DYRK1A: variants seen among roughly 807,000 people sequenced by gnomAD.
The protein encoded by DYRK1A is dual specificity tyrosine phosphorylation regulated kinase 1A.
A neutral mutation model predicts 79.7 loss-of-function variants in DYRK1A; 9 were observed. The observed-to-expected ratio is 0.11, with a 90% CI of 0.07 to 0.20. The LOEUF (loss-of-function observed/expected upper bound fraction) is 0.20. Ranked by LOEUF, DYRK1A falls within the 10% of genes least tolerant of loss-of-function variation. The probability of loss-of-function intolerance (pLI) is 1.00; values close to 1 mark genes in which losing one functional copy is unlikely to be tolerated. For missense variants in DYRK1A, 622 were observed against 956.0 expected, an observed-to-expected ratio of 0.65 and a Z score of 4.61; for synonymous variants, 349 against 329.7, an observed-to-expected ratio of 1.06 and a Z score of -0.63.
At chr21:37,446,992 C>T (rs2051295030) in intron 2 of DYRK1A, among the ~76,000 whole-genome samples, 1 of 152,114 alleles carries the variant, frequency 6.6e-6, no homozygotes, top group Non-Finnish European at 1.5e-5. Context: ...ATTGCTACCA[C>T]TTGTCCCCTG....
chr21:37,482,853 T>C (rs1344566316), intron 5 of DYRK1A, among the ~76,000 whole-genome samples: 2 of 152,248 alleles, frequency 1.3e-5, no homozygotes, highest in South Asian at 2.1e-4. Context: ...AATTCAGCGA[T>C]ATTTCTCCCA....
At chr21:37,449,968 G>T (rs893297859) in intron 2 of DYRK1A, among the ~76,000 whole-genome samples, 1 of 152,160 alleles carries the variant, frequency 6.6e-6, no homozygotes, top group African/African-American at 2.4e-5. Flanking sequence ...ATAAGTAGGG[G>T]CCAAAGCAGG....
At chr21:37,508,282 T>G (rs2053653132) in intron 11 of DYRK1A, among the ~76,000 whole-genome samples, 1 of 152,184 alleles carries the variant, frequency 6.6e-6, no homozygotes, top group South Asian at 2.1e-4. Flanking sequence ...CTTGCTATTT[T>G]CCCTACTTTT....
rs563465605 is a variant in DYRK1A, at chr21:37,494,917, T to C, written c.1072-1201T>C. The stretch of plus-strand genomic sequence containing the variant: ...GAGCCGAGATCACGCCACTGCCCTC[T>C]AGCTTGGGAGACAGAACAAGACTCC... On this transcript the variant is annotated intron_variant, in intron 8 of 11. Coordinates refer to ENST00000647188, the MANE Select transcript of DYRK1A (RefSeq NM_001347721.2). Among the ~76,000 whole-genome samples, 3 of 148,040 alleles carry C rather than the reference T, an allele frequency of 2.0e-5. No individual in the cohort carries two copies. In the East Asian group the frequency reaches 6.1e-4, roughly 30 times the overall value.
chr21:37,486,387 GTTATAA>G, intron 5 of DYRK1A, 74 bp from the exon 6 acceptor site: 2 of 1,120,768 alleles, frequency 1.8e-6, no homozygotes, highest in Non-Finnish European at 2.4e-6. Flanking sequence ...TTAGGTAAAT[GTTATAA>G]TTAAGGTGAA....
At chr21:37,486,177 ATAGT>A (rs1346930271) in intron 5 of DYRK1A, 3 of 183,356 alleles carry the variant, frequency 1.6e-5, no homozygotes, top group Non-Finnish European at 3.4e-5. Flanking sequence ...AAGGAGGAAA[ATAGT>A]TAATTTAATT....
intron 1 of DYRK1A, among the ~76,000 whole-genome samples, chr21:37,386,197 T>A (rs1301842296): frequency 6.6e-6 from 1 of 152,162 alleles, no homozygotes; most frequent in Non-Finnish European, 1.5e-5. Flanking sequence ...TATGGTGAGT[T>A]GTATAATTAT....
At chr21:37,495,152 T>TTGTGTGTGTGTGTGTGTG (rs56226706) in intron 8 of DYRK1A, among the ~76,000 whole-genome samples, 1 of 137,648 alleles carries the variant, frequency 7.3e-6, no homozygotes, top group Non-Finnish European at 1.6e-5. Flanking sequence ...CTCTGGGATT[T>TTGTGTGTGTGTGTGTGTG]TGTGTGTGTG....
intron 1 of DYRK1A, among the ~76,000 whole-genome samples, chr21:37,373,198 A>G (rs1299880944): frequency 2.6e-5 from 4 of 152,170 alleles, no homozygotes; most frequent in Non-Finnish European, 5.9e-5. Context: ...CCAGATATAG[A>G]TAGCACCGGC....
chr21:37,503,581 A>G (rs911128251), intron 9 of DYRK1A: 1 of 152,140 alleles, frequency 6.6e-6, no homozygotes, highest in Non-Finnish European at 1.5e-5. Flanking sequence ...TGCAACCACC[A>G]TACCCAGCTA....
At chr21:37,372,761 TCTC>T (rs940909828) in intron 1 of DYRK1A, among the ~76,000 whole-genome samples, 106 of 152,278 alleles carry the variant, frequency 7.0e-4, no homozygotes, top group African/African-American at 2.4e-3. Flanking sequence ...TCCTTTTTTC[TCTC>T]CTCATCTTCA....
chr21:37,434,899 A>G (rs2050879536), intron 2 of DYRK1A, among the ~76,000 whole-genome samples: 2 of 152,212 alleles, frequency 1.3e-5, no homozygotes, highest in Admixed American at 1.3e-4. Context: ...TTTAATGTAT[A>G]GAAAGACATT....
intron 2 of DYRK1A, among the ~76,000 whole-genome samples, chr21:37,422,068 G>C (rs568707801): frequency 2.6e-5 from 4 of 152,222 alleles, no homozygotes; most frequent in Admixed American, 2.6e-4. Flanking sequence ...AGTAAATACA[G>C]TTTATAGTTA....
intron 2 of DYRK1A, among the ~76,000 whole-genome samples, chr21:37,462,985 A>T (rs1443537854): frequency 6.6e-6 from 1 of 152,342 alleles, no homozygotes; most frequent in East Asian, 1.9e-4. Context: ...CTGATAATAC[A>T]AATTCCTAAG....
chr21:37,510,156 A>G (rs1421290651), intron 11 of DYRK1A, among the ~76,000 whole-genome samples: 1 of 152,210 alleles, frequency 6.6e-6, no homozygotes, highest in African/African-American at 2.4e-5. Context: ...TAGACATTTT[A>G]TCTGTGATAT....
chr21:37,398,579 T>C lies in DYRK1A; in HGVS notation c.-76-21720T>C, dbSNP rs575409661. Among the ~76,000 whole-genome samples the C allele has an allele frequency of 2.0e-5, 3 of 152,308 alleles. No individual in the cohort carries two copies. In the South Asian group the frequency reaches 6.2e-4, roughly 32 times the overall value. ...CAGAACAAACTGAATAATTTATAGA[T>C]ACTTTTGTTTTTACATAGTTTATAA... On this transcript the variant is annotated intron_variant, in intron 1 of 11. Transcript: ENST00000647188.
intron 4 of DYRK1A, among the ~76,000 whole-genome samples, chr21:37,479,600 G>GTTCTTGTTTTTTTTTTTTTTTTTTTTT: frequency 4.4e-5 from 1 of 22,794 alleles, no homozygotes; most frequent in Non-Finnish European, 7.2e-5. Flanking sequence ...TTTTGTTTTT[G>GTTCTTGTTTTTTTTTTTTTTTTTTTTT]TTTTTGTTTT....
intron 1 of DYRK1A, among the ~76,000 whole-genome samples, chr21:37,369,164 T>G (rs1479079354): frequency 6.6e-6 from 1 of 152,202 alleles, no homozygotes; most frequent in East Asian, 1.9e-4. Context: ...TTTTATAGTT[T>G]ATGTGTCCAA....
Position 37,460,961 on chromosome 21 carries a change from T to C in DYRK1A, c.11-11723T>C, listed in dbSNP as rs143943180. Among the ~76,000 whole-genome samples the C allele has an allele frequency of 5.4e-3, 816 of 152,332 alleles. 5 individuals carry two copies. The highest frequency in any genetic ancestry group is 0.01 in the Middle Eastern group (3 of 294). ...ATATGTTGGATTACTATTTTAATCT[T>C]TTCTGTCTTCCAGATGGTATTACCA... On this transcript the variant is annotated intron_variant, in intron 2 of 11. Coordinates refer to ENST00000647188, the MANE Select transcript of DYRK1A (RefSeq NM_001347721.2).
Sources: allele counts gnomAD v4.1 joint callset (sites outside exome capture counted in the v4.1 genomes callset), GRCh38; gene constraint gnomAD v4.1.1; transcripts MANE v1.5; gene names NCBI Gene and HGNC (gene_info 2026-07-23, HGNC 2026-07-21).